The following ANO4 variants were observed in gnomAD, a reference collection of about 807,000 sequenced individuals.
ANO4 encodes the protein anoctamin 4.
In ANO4, 69 loss-of-function variants were observed where a neutral mutation model predicts 141.9. The ratio of observed to expected loss-of-function variants is 0.49; its 90% CI spans 0.40 to 0.59. The LOEUF (loss-of-function observed/expected upper bound fraction) is 0.59, where lower values mean the gene tolerates loss of function less well. Ranked by LOEUF, ANO4 falls within the 20% of genes least tolerant of loss-of-function variation. ANO4 has a pLI of 0.00. For missense variants in ANO4, 894 were observed against 1,162.2 expected, an observed-to-expected ratio of 0.77 and a Z score of 3.36; for synonymous variants, 350 against 394.3, an observed-to-expected ratio of 0.89 and a Z score of 1.33.
At chr12:100,842,417 G>GTA (rs2037322802) in intron 1 of ANO4, among the ~76,000 whole-genome samples, 1 of 151,834 alleles carries the variant, frequency 6.6e-6, no homozygotes, top group Non-Finnish European at 1.5e-5. Context: ...GTGTATGTGT[G>GTA]TGTGTGTGTG....
intron 3 of ANO4, among the ~76,000 whole-genome samples, chr12:100,770,781 ATTTTTTTTT>A (rs10652346): frequency 7.6e-6 from 1 of 131,366 alleles, no homozygotes; most frequent in African/African-American, 2.8e-5. Flanking sequence ...CTTGGCTTGA[ATTTTTTTTT>A]TTTTTTTTTT....
intron 1 of ANO4, among the ~76,000 whole-genome samples, chr12:100,897,401 G>A (rs2040400183): frequency 6.6e-6 from 1 of 152,178 alleles, no homozygotes; most frequent in Non-Finnish European, 1.5e-5. Context: ...GCACAGTGAA[G>A]CATGCTCAGT....
chr12:101,106,851 T>A (rs1392531541), intron 22 of ANO4, among the ~76,000 whole-genome samples: 1 of 150,818 alleles, frequency 6.6e-6, no homozygotes, highest in Non-Finnish European at 1.5e-5. Context: ...AAAGAATTTT[T>A]AAAAATTAAT....
chr12:100,829,571 T>G (rs2036534117), intron 1 of ANO4, among the ~76,000 whole-genome samples: 1 of 152,120 alleles, frequency 6.6e-6, no homozygotes, highest in African/African-American at 2.4e-5. Flanking sequence ...ATTCTGTCAT[T>G]AGAATTTTTA....
At chr12:101,040,162 A>G (rs2047359581) in intron 11 of ANO4, 86 bp downstream of exon 11, 6 of 1,481,376 alleles carry the variant, frequency 4.1e-6, no homozygotes, top group African/African-American at 2.8e-5. Context: ...CAATGAAGCA[A>G]AAAGAGCCTG....
chr12:100,900,879 A>G (rs2040563954), intron 1 of ANO4, among the ~76,000 whole-genome samples: 1 of 152,216 alleles, frequency 6.6e-6, no homozygotes, highest in African/African-American at 2.4e-5. Context: ...TGAGTAACGA[A>G]TTGGTATCTT....
intron 3 of ANO4, among the ~76,000 whole-genome samples, chr12:100,779,687 A>G (rs1260056139): frequency 6.6e-6 from 1 of 152,096 alleles, no homozygotes; most frequent in Non-Finnish European, 1.5e-5. Flanking sequence ...AGACTCCCCA[A>G]ACATGCTAGC....
At chr12:100,953,951 A>T (rs2043077284) in intron 5 of ANO4, among the ~76,000 whole-genome samples, 1 of 152,126 alleles carries the variant, frequency 6.6e-6, no homozygotes, top group Non-Finnish European at 1.5e-5. Flanking sequence ...TTTGCATCTA[A>T]ATGAACAGGG....
At position 101,079,231 on chromosome 12, in the gene ANO4, G is replaced by A. The variant is rs1490685625; in HGVS notation, c.1351G>A (p.Val451Ile). The A allele has an allele frequency of 6.2e-7, 1 of 1,613,886 alleles. No individual in the cohort carries two copies. The highest frequency in any genetic ancestry group is 8.5e-7 in the Non-Finnish European group (1 of 1,179,930). Residue 451 changes from valine (V) to isoleucine (I), a missense_variant, in exon 15 of 28, where the codon GTA becomes ATA. Physicochemically the swap from Val to Ile is conservative, Grantham distance 29 (BLOSUM62 3). Around this residue, in one of 2 missense-constraint regions of ANO4, gnomAD observed 637 missense variants for 909.2 expected, o/e 0.70. Transcript: ENST00000392977. ...GGAGTTTTGGAAAAGACGGCGAGCA[G>A]TAATTGCTTATGACTGGGATTTGAT... is the stretch of plus-strand genomic sequence containing the variant. ...FLEFWKRRRA[V>I]IAYDWDLIDW... is the part of the protein sequence containing the mutation.
chr12:101,030,346 T>G (rs113773849), intron 9 of ANO4, among the ~76,000 whole-genome samples: 18 of 152,238 alleles, frequency 1.2e-4, no homozygotes, highest in African/African-American at 4.3e-4. Context: ...CACAATTACA[T>G]GGAAATTGAA....
At chr12:100,998,978 G>A (rs1283386042) in intron 8 of ANO4, among the ~76,000 whole-genome samples, 1 of 152,164 alleles carries the variant, frequency 6.6e-6, no homozygotes, top group Non-Finnish European at 1.5e-5. Flanking sequence ...GGAGGAACCT[G>A]GGGCACAGAA....
At chr12:100,722,040 T>C (rs1228935478) in intron 1 of ANO4, among the ~76,000 whole-genome samples, 2 of 152,082 alleles carry the variant, frequency 1.3e-5, no homozygotes, top group African/African-American at 4.8e-5. Context: ...ATCTGTAAAA[T>C]GAGGTCACTA....
intron 1 of ANO4, 115 bp downstream of exon 1, chr12:100,795,142 G>A (rs10860634): frequency 0.099 from 15,153 of 152,688 alleles, 1,144 homozygotes; most frequent in East Asian, 0.35. Context: ...TGTTTTCATG[G>A]ATCTTGTCTG....
chr12:101,060,238 T>G (rs1006378743), intron 14 of ANO4, among the ~76,000 whole-genome samples: 1 of 152,260 alleles, frequency 6.6e-6, no homozygotes, highest in Non-Finnish European at 1.5e-5. Flanking sequence ...CACTGTGGTC[T>G]GAAAGACTGT....
At chr12:100,765,669 C>T (rs1196871381) in intron 3 of ANO4, among the ~76,000 whole-genome samples, 3 of 148,868 alleles carry the variant, frequency 2.0e-5, no homozygotes, top group South Asian at 4.2e-4. Flanking sequence ...AGCTACCACG[C>T]CTGGCCTTTG....
At chr12:100,801,569 A>G (rs946576544) in intron 1 of ANO4, among the ~76,000 whole-genome samples, 2 of 151,378 alleles carry the variant, frequency 1.3e-5, no homozygotes, top group Non-Finnish European at 2.9e-5. Context: ...GGTTTGTCCC[A>G]TGTGTCAATG....
chr12:100,791,574 T>G (rs1307202029), upstream of ANO4, among the ~76,000 whole-genome samples: 1 of 152,240 alleles, frequency 6.6e-6, no homozygotes, highest in African/African-American at 2.4e-5. Flanking sequence ...AAGTTTCGGC[T>G]TCAACTTGGA....
chr12:101,113,586 G>A (rs1483129186), intron 24 of ANO4, among the ~76,000 whole-genome samples: 3 of 151,878 alleles, frequency 2.0e-5, no homozygotes, highest in African/African-American at 7.3e-5. Flanking sequence ...ATTTATGTAT[G>A]TTTCTTCATG....
rs546979598 is a variant in ANO4 at position 100,893,240 on chromosome 12, ATT to A, written c.-140-8394_-140-8393del. The stretch of plus-strand genomic sequence containing the variant: ...GAGAGCATTTCAGGCAAGAAGGAGG[ATT>A]TTTTTTTTTTTCATGAACTCACTAC... On this transcript the variant is annotated intron_variant, in intron 1 of 27. Coordinates refer to ENST00000392977, the MANE Select transcript of ANO4 (RefSeq NM_001286615.2). Among the ~76,000 whole-genome samples the A allele has an allele frequency of 1.5e-3, 215 of 143,678 alleles. 6 individuals carry two copies. The highest frequency in any genetic ancestry group is 5.2e-3 in the African/African-American group (206 of 39,302). 94.3% of individuals were successfully genotyped at this position (143,678 alleles called of 152,430 possible). A position where few individuals can be genotyped will look rare whatever the true frequency, so the allele number is the denominator to read the frequency against.
Sources: allele counts gnomAD v4.1 joint callset (sites outside exome capture counted in the v4.1 genomes callset), GRCh38; gene constraint gnomAD v4.1.1; regional missense constraint gnomAD v4.1.1; transcripts MANE v1.5; gene names NCBI Gene and HGNC (gene_info 2026-07-23, HGNC 2026-07-21).